The following BRF1 variants were observed in gnomAD, a reference collection of about 807,000 sequenced individuals.
BRF1 encodes transcription factor IIIB 90 kDa subunit.
Under a neutral mutation model 81.7 loss-of-function variants are expected in BRF1, and 59 were observed. The observed-to-expected ratio is 0.72, with a 90% CI of 0.59 to 0.90. The LOEUF (loss-of-function observed/expected upper bound fraction) is 0.90. Ranked by LOEUF, BRF1 falls within the 40% of genes least tolerant of loss-of-function variation. The pLI is 0.00. For synonymous variants in BRF1, 491 were observed against 395.6 expected, an observed-to-expected ratio of 1.24 and a Z score of -2.86; for missense variants, 1,050 against 936.3, an observed-to-expected ratio of 1.12 and a Z score of -1.58.
intron 10 of BRF1, chr14:105,222,633 C>CT (rs11429509): frequency 0.32 from 47,083 of 147,066 alleles, 8,442 homozygotes; most frequent in African/African-American, 0.49. Context: ...CTGATCAGTT[C>CT]TTTTTTTTTT....
At position 105,309,161 on chromosome 14, in the gene BRF1, T is replaced by G. The variant is rs192634855; in HGVS notation, c.-162+6161A>C. On this transcript the variant is annotated intron_variant, in intron 1 of 17. Coordinates refer to the BRF1 transcript ENST00000327359. This position sits in a 1 kb window ranked among gnomAD's most constrained non-coding sequence, Gnocchi z 4.0. The stretch of plus-strand genomic sequence containing the variant: ...GGGTGTTTTCCTTTCTTTTCTAATA[T>G]TTAAGTTATGTCCTGGCTTATTGTG... Among the ~76,000 whole-genome samples the G allele has an allele frequency of 1.4e-3, 212 of 152,294 alleles. No homozygotes were observed. The highest frequency in any genetic ancestry group is 4.9e-3 in the African/African-American group (205 of 41,566).
At chr14:105,266,319 G>A (rs868034653) in intron 3 of BRF1, among the ~76,000 whole-genome samples, 44 of 152,154 alleles carry the variant, frequency 2.9e-4, no homozygotes, top group African/African-American at 1.0e-3. Flanking sequence ...ATGCTGAGGC[G>A]AGAGAGTCGC....
intron 7 of BRF1, chr14:105,227,065 G>GT (rs1288137926): frequency 1.5e-4 from 49 of 330,392 alleles, no homozygotes; most frequent in Non-Finnish European, 1.5e-4. Flanking sequence ...GTAACGAGCT[G>GT]TGATAGCGCC....
intron 14 of BRF1, among the ~76,000 whole-genome samples, chr14:105,218,258 C>T (rs1891657580): frequency 6.6e-6 from 1 of 152,210 alleles, no homozygotes; most frequent in African/African-American, 2.4e-5. Flanking sequence ...GGATCTCCTT[C>T]TAGGAGCTGG....
chr14:105,288,791 G>A (rs947096551), intron 1 of BRF1, among the ~76,000 whole-genome samples: 9 of 151,376 alleles, frequency 5.9e-5, no homozygotes, highest in Non-Finnish European at 5.9e-5. Flanking sequence ...CTGCAACCAC[G>A]CCCGGCTAAT....
intron 1 of BRF1, among the ~76,000 whole-genome samples, chr14:105,295,067 T>C (rs1162594893): frequency 6.6e-6 from 1 of 151,922 alleles, no homozygotes; most frequent in African/African-American, 2.4e-5. Context: ...GAGGAAACGT[T>C]TCCCAACCCA....
Position 105,256,612 on chromosome 14 carries a change from A to C in BRF1, c.440-63T>G, listed in dbSNP as rs45510699. 9.7e-3 allele frequency: 15,544 copies of C among 1,596,202 alleles called. 107 individuals carry two copies. Among genetic ancestry groups the C allele is most frequent in the Non-Finnish European group, 0.01 (12,013 of 1,170,042 alleles). ...AGCTCAGGTTACTCGCCCACCTTCA[A>C]ATGGGCAGGACCGCAGGACTGCACC... On this transcript the variant is annotated intron_variant, in intron 3 of 17. Coordinates refer to ENST00000547530, the MANE Select transcript of BRF1 (RefSeq NM_001519.4).
chr14:105,308,250 G>A (rs2058248429), intron 1 of BRF1, among the ~76,000 whole-genome samples: 1 of 152,234 alleles, frequency 6.6e-6, no homozygotes, highest in South Asian at 2.1e-4. Context: ...GGGAGGCTGA[G>A]GTGAGAGGAT....
At chr14:105,229,118 C>T (rs1304586681) in intron 6 of BRF1, among the ~76,000 whole-genome samples, 1 of 152,224 alleles carries the variant, frequency 6.6e-6, no homozygotes, top group Non-Finnish European at 1.5e-5. Context: ...GCGGCTGCAC[C>T]CATTCCATTT....
At chr14:105,273,266 C>A (rs1030000111) in intron 2 of BRF1, among the ~76,000 whole-genome samples, 2 of 152,180 alleles carry the variant, frequency 1.3e-5, no homozygotes, top group Non-Finnish European at 2.9e-5. Flanking sequence ...TGGGAATGCC[C>A]CTTTTCCTAC....
At chr14:105,221,492 T>C (rs768818124) in intron 11 of BRF1, 156 bp downstream of exon 11, 31 of 1,066,044 alleles carry the variant, frequency 2.9e-5, no homozygotes, top group Middle Eastern at 3.1e-4. Context: ...CACAGCCCCA[T>C]TGGGGGGACT....
chr14:105,259,198 C>G (rs1332029129), intron 3 of BRF1, among the ~76,000 whole-genome samples: 2 of 152,132 alleles, frequency 1.3e-5, no homozygotes, highest in Non-Finnish European at 2.9e-5. Context: ...AATCCCAGCA[C>G]TTTAGGAGGC....
intron 2 of BRF1, among the ~76,000 whole-genome samples, chr14:105,273,169 C>G (rs2056732672): frequency 6.6e-6 from 1 of 152,152 alleles, no homozygotes; most frequent in Non-Finnish European, 1.5e-5. Context: ...GTGCCTCTCT[C>G]CAGGGCTCTG....
chr14:105,307,649 T>C (rs587612248), intron 1 of BRF1, among the ~76,000 whole-genome samples: 1 of 152,352 alleles, frequency 6.6e-6, no homozygotes, highest in Non-Finnish European at 1.5e-5. Context: ...GAAAGCAAGC[T>C]TCTATGGCCT....
At chr14:105,247,904 C>T in intron 5 of BRF1, 2 of 985,544 alleles carry the variant, frequency 2.0e-6, no homozygotes, top group Non-Finnish European at 2.4e-6. Context: ...CAGGATTAGC[C>T]CCAGGCCGGG....
At chr14:105,287,658 G>A (rs924651500) in intron 1 of BRF1, among the ~76,000 whole-genome samples, 5 of 152,218 alleles carry the variant, frequency 3.3e-5, no homozygotes, top group African/African-American at 7.2e-5. Flanking sequence ...GGACCTCAGC[G>A]TCATCCAGGG....
upstream of BRF1, among the ~76,000 whole-genome samples, chr14:105,302,444 C>T (rs925275965): frequency 1.3e-5 from 2 of 152,050 alleles, no homozygotes; most frequent in African/African-American, 4.8e-5. Flanking sequence ...CTCAGGTGAT[C>T]CGCCCACTTC....
At chr14:105,229,626 A>T (rs587639679) in intron 6 of BRF1, among the ~76,000 whole-genome samples, 1 of 151,126 alleles carries the variant, frequency 6.6e-6, no homozygotes, top group East Asian at 1.9e-4. Context: ...CAACTAGAAC[A>T]GTCGCCCAGC....
intron 10 of BRF1, among the ~76,000 whole-genome samples, chr14:105,225,707 G>A (rs962963269): frequency 1.3e-5 from 2 of 151,988 alleles, no homozygotes; most frequent in Non-Finnish European, 2.9e-5. Flanking sequence ...GAGTGCCGTG[G>A]TGCGATCTTG....
Sources: gnomAD v4.1 joint callset for allele counts (sites outside exome capture counted in the v4.1 genomes callset) on GRCh38, gnomAD v4.1.1 for gene constraint, Gnocchi (gnomAD v3.1) non-coding constraint, MANE v1.5 for transcripts, NCBI Gene and HGNC (gene_info 2026-07-23, HGNC 2026-07-21) for gene names.